Variants in ACACB observed in about 807,000 individuals in gnomAD.
ACACB encodes acetyl-CoA carboxylase beta.
ACACB carries 209 observed loss-of-function variants against 278.8 expected under a neutral mutation model. The observed-to-expected ratio is 0.75, with a 90% CI of 0.67 to 0.84. The LOEUF (loss-of-function observed/expected upper bound fraction) is 0.84. Among genes scored for constraint, ACACB ranks in the 40% least tolerant of loss-of-function variants. ACACB has a pLI of 0.00. For missense variants in ACACB, 2,850 were observed against 3,269.0 expected (o/e 0.87, Z 3.13); for synonymous variants, 1,174 against 1,285.6 (o/e 0.91, Z 1.86).
intron 47 of ACACB, among the ~76,000 whole-genome samples, 164 bp downstream of exon 47, chr12:109,259,272 C>T (rs1018350173): frequency 6.6e-6 from 1 of 152,010 alleles, no homozygotes; most frequent in African/African-American, 2.4e-5. Context: ...CCCACTACCC[C>T]GTTTTAAAGA....
chr12:109,127,137 C>T (rs1364134055), intron 1 of ACACB, among the ~76,000 whole-genome samples: 1 of 152,060 alleles, frequency 6.6e-6, no homozygotes, highest in Non-Finnish European at 1.5e-5. Flanking sequence ...ATAGGGTAGC[C>T]CATTAAACAA....
At chr12:109,265,828 TCACAGAACC>T (rs897728268) in intron 52 of ACACB, among the ~76,000 whole-genome samples, 40 of 152,244 alleles carry the variant, frequency 2.6e-4, no homozygotes, top group Admixed American at 2.6e-3. Flanking sequence ...GCAGGGTTGG[TCACAGAACC>T]CACATTTGGA....
rs185875024 is a variant in ACACB at position 109,238,058 on chromosome 12, A to G, written c.4662+678A>G. Reference sequence around the variant, plus strand: ...AAAGAAACAGAAGTAATCCATGATTATATTGTGAAAATTTTAAATAAGACT... The same window carrying G: ...AAAGAAACAGAAGTAATCCATGATTGTATTGTGAAAATTTTAAATAAGACT... On this transcript the variant is annotated intron_variant, in intron 34 of 52. Coordinates refer to ENST00000338432, the MANE Select transcript of ACACB (RefSeq NM_001093.4). 1.4e-3 allele frequency among the ~76,000 whole-genome samples: 218 copies of G among 151,070 alleles called. 1 individual carries two copies. In the Middle Eastern group the frequency reaches 0.017, roughly 12 times the overall value.
At chr12:109,263,808 C>T (rs1432127261) in intron 49 of ACACB, 1 of 154,858 alleles carries the variant, frequency 6.5e-6, no homozygotes, top group Non-Finnish European at 1.4e-5. Context: ...GTCAATTTGG[C>T]ATAGAGTTGC....
rs779953513 is a variant in ACACB at position 109,246,424 on chromosome 12, G to GGT, written c.5549_5550dup (p.Asp1851TrpfsTer15). The GGT allele has an allele frequency of 1.2e-6, 2 of 1,612,846 alleles. No homozygotes were observed. Among genetic ancestry groups the GGT allele is most frequent in the Admixed American group, 1.7e-5 (1 of 59,972 alleles). On this transcript the variant is annotated frameshift_variant, in exon 39 of 53. Transcript: ENST00000338432. LOFTEE classifies it high-confidence loss of function. ...TCAAACACATGTTCCACGTGGCTTG[G>GGT]GTGGACCCAGAAGACCCCCACAAAG... is the stretch of plus-strand genomic sequence containing the variant.
At chr12:109,169,716 ACCT>A (rs1049593432) in intron 4 of ACACB, among the ~76,000 whole-genome samples, 6 of 152,048 alleles carry the variant, frequency 3.9e-5, no homozygotes, top group Non-Finnish European at 7.4e-5. Context: ...CTCTCAGAGA[ACCT>A]CATTTATTTT....
At chr12:109,187,479 G>A (rs919469452) in intron 12 of ACACB, among the ~76,000 whole-genome samples, 9 of 141,660 alleles carry the variant, frequency 6.4e-5, no homozygotes, top group Non-Finnish European at 1.1e-4. Flanking sequence ...TTATTTATTT[G>A]AGACAGGTTC....
rs375016692 is a variant in ACACB, at chr12:109,201,597, C to T, written c.2809C>T (p.Gln937Ter). 3.1e-6 allele frequency: 5 copies of T among 1,614,160 alleles called. No individual in the cohort carries two copies. The highest frequency in any genetic ancestry group is 4.2e-6 in the Non-Finnish European group (5 of 1,180,024). Reference sequence around the variant, plus strand: ...GAAGATGATCATGACCCTGAACGTTCAGGAAAGAGGCCGGGTGAAGTACAT... The same window carrying T: ...GAAGATGATCATGACCCTGAACGTTTAGGAAAGAGGCCGGGTGAAGTACAT... ...VMKMIMTLNVQERGRVKYIKR... is the reference protein window; with the variant it reads ...VMKMIMTLNV The change falls in exon 19 of 53, where the codon CAG becomes TAG. Residue 937 changes from glutamine to a stop codon, truncating the protein, a stop_gained. Transcript: ENST00000338432. LOFTEE classifies it high-confidence loss of function.
intron 48 of ACACB, among the ~76,000 whole-genome samples, chr12:109,261,880 C>CAAAAAAAAAAAAAAAAAAAA (rs757106164): frequency 1.2e-5 from 1 of 86,088 alleles, no homozygotes. Context: ...AAAAAAAAAA[C>CAAAAAAAAAAAAAAAAAAAA]AAAAAAAAAA....
chr12:109,175,783 T>C (rs2044262734), intron 7 of ACACB, 148 bp from the exon 8 acceptor site: 2 of 642,808 alleles, frequency 3.1e-6, no homozygotes, highest in Admixed American at 2.9e-5. Flanking sequence ...TGAAAAGCCA[T>C]TGTGAGAAGC....
chr12:109,160,120 A>C (rs1240009651), intron 2 of ACACB, among the ~76,000 whole-genome samples: 1 of 151,770 alleles, frequency 6.6e-6, no homozygotes, highest in African/African-American at 2.4e-5. Context: ...CCAACCAAAC[A>C]AAAAACCTCA....
At chr12:109,157,416 C>T (rs992763634) in intron 2 of ACACB, among the ~76,000 whole-genome samples, 28 of 151,918 alleles carry the variant, frequency 1.8e-4, no homozygotes, top group African/African-American at 6.0e-4. Flanking sequence ...GGACCACAGG[C>T]ATGCGCCACC....
chr12:109,121,659 G>T (rs1473168505), intron 1 of ACACB, among the ~76,000 whole-genome samples: 4 of 152,154 alleles, frequency 2.6e-5, no homozygotes, highest in Non-Finnish European at 5.9e-5. Context: ...GCCTCACCTG[G>T]ACACTCCCAG....
At chr12:109,259,583 CAAAA>C (rs555119482) in intron 47 of ACACB, among the ~76,000 whole-genome samples, 1 of 142,280 alleles carries the variant, frequency 7.0e-6, no homozygotes, top group African/African-American at 2.8e-5. Flanking sequence ...AACAAAAAAA[CAAAA>C]AAAAAACAAT....
At chr12:109,158,531 T>A (rs1265482951) in intron 2 of ACACB, among the ~76,000 whole-genome samples, 2 of 152,076 alleles carry the variant, frequency 1.3e-5, no homozygotes, top group Admixed American at 1.3e-4. Flanking sequence ...AACCAATTAG[T>A]TGGGCATGGT....
At chr12:109,216,245 G>T (rs1433429028) in intron 22 of ACACB, among the ~76,000 whole-genome samples, 1 of 123,296 alleles carries the variant, frequency 8.1e-6, no homozygotes. Context: ...TTTTTGAGAC[G>T]GAGTCTTGCT....
chr12:109,262,950 T>TTTTTTATA (rs1346750205), intron 49 of ACACB: 11 of 62,470 alleles, frequency 1.8e-4, no homozygotes, highest in Non-Finnish European at 4.3e-4. Context: ...CTTTTTAACA[T>TTTTTTATA]TATATATATA....
intron 2 of ACACB, among the ~76,000 whole-genome samples, chr12:109,153,553 G>C (rs77067395): frequency 0.064 from 9,809 of 152,218 alleles, 400 homozygotes; most frequent in Non-Finnish European, 0.084. Context: ...CATTATTTTT[G>C]GTTGGTTTGT....
In ACACB at chr12:109,266,418, C is replaced by A; in HGVS notation, c.*56C>A. The A allele has an allele frequency of 1.3e-6, 2 of 1,538,252 alleles. No individual in the cohort carries two copies. Among genetic ancestry groups the A allele is most frequent in the Admixed American group, 1.9e-5 (1 of 52,658 alleles). The stretch of plus-strand genomic sequence containing the variant: ...CGGCAAAAGGAACCACCCAGACCCA[C>A]CACCCGTACACCCTCAGCAGACCCT... On this transcript the variant is annotated 3_prime_UTR_variant, in exon 53 of 53. Coordinates refer to ENST00000338432, the MANE Select transcript of ACACB (RefSeq NM_001093.4).
Sources: gnomAD v4.1 joint callset for allele counts (sites outside exome capture counted in the v4.1 genomes callset) on GRCh38, gnomAD v4.1.1 for gene constraint, MANE v1.5 for transcripts, NCBI Gene and HGNC (gene_info 2026-07-23, HGNC 2026-07-21) for gene names.